Variants in CLNK observed in about 807,000 individuals in gnomAD.
CLNK encodes the protein cytokine dependent hematopoietic cell linker.
A neutral mutation model predicts 68.6 loss-of-function variants in CLNK; 74 were observed. That is an observed-to-expected ratio of 1.08 (90% CI 0.89 to 1.31). The LOEUF (loss-of-function observed/expected upper bound fraction) is 1.31. Among genes scored for constraint, CLNK ranks in the 50% most tolerant of loss-of-function variants. The pLI is 0.00. For missense variants in CLNK, 553 were observed against 515.3 expected (o/e 1.07, Z -0.71); for synonymous variants, 198 against 172.2 (o/e 1.15, Z -1.17).
intron 4 of CLNK, among the ~76,000 whole-genome samples, chr4:10,584,433 C>T (rs965045132): frequency 6.6e-6 from 1 of 152,168 alleles, no homozygotes; most frequent in Non-Finnish European, 1.5e-5. Flanking sequence ...ATACTACATG[C>T]TTTTTCTCAA....
intron 2 of CLNK, among the ~76,000 whole-genome samples, chr4:10,653,231 C>T (rs539898883): frequency 1.1e-4 from 17 of 152,034 alleles, no homozygotes; most frequent in African/African-American, 4.1e-4. Flanking sequence ...AGGAGAAATA[C>T]CCAATGTAGA....
chr4:10,600,704 G>C (rs1399389700), intron 2 of CLNK, among the ~76,000 whole-genome samples: 1 of 152,164 alleles, frequency 6.6e-6, no homozygotes, highest in Non-Finnish European at 1.5e-5. Context: ...TAACTTGTGA[G>C]TCTGGGCTCA....
At chr4:10,614,671 G>A (rs1477936982) in intron 2 of CLNK, among the ~76,000 whole-genome samples, 3 of 152,210 alleles carry the variant, frequency 2.0e-5, no homozygotes, top group African/African-American at 4.8e-5. Context: ...GAATCTGTGT[G>A]CACATTCAAG....
In CLNK at chr4:10,650,385, G is replaced by A. The variant is rs185820063; in HGVS notation, c.11+17474C>T. Among the ~76,000 whole-genome samples the A allele has an allele frequency of 2.3e-3, 357 of 152,104 alleles. 1 individual carries two copies. Among genetic ancestry groups the A allele is most frequent in the Middle Eastern group, 6.8e-3 (2 of 294 alleles). ...AGAAATAGTGAAAAACAACAAAATAGAGAATCAGGATATCCAACGTATCCA... is the reference window on the plus strand; with the variant it reads ...AGAAATAGTGAAAAACAACAAAATAAAGAATCAGGATATCCAACGTATCCA... On this transcript the variant is annotated intron_variant, in intron 2 of 18. Coordinates refer to ENST00000226951, the MANE Select transcript of CLNK (RefSeq NM_052964.4).
the CLNK span, among the ~76,000 whole-genome samples, chr4:10,698,390 A>AT: frequency 6.6e-6 from 1 of 152,214 alleles, no homozygotes; most frequent in Non-Finnish European, 1.5e-5. Flanking sequence ...CCATGCCATT[A>AT]TTACGCCCTT....
intron 2 of CLNK, among the ~76,000 whole-genome samples, chr4:10,615,250 C>T (rs1401180494): frequency 2.0e-5 from 3 of 151,610 alleles, no homozygotes; most frequent in South Asian, 2.1e-4. Context: ...GAGGCCAAGA[C>T]GGGCAGATCA....
At chr4:10,645,543 A>G (rs773233559) in intron 2 of CLNK, among the ~76,000 whole-genome samples, 6 of 152,168 alleles carry the variant, frequency 3.9e-5, no homozygotes, top group African/African-American at 4.8e-5. Flanking sequence ...CTGCCTAATC[A>G]TTTACTTTAA....
At chr4:10,703,226 CACTAACGTAGT>C in the CLNK span, among the ~76,000 whole-genome samples, 1 of 152,114 alleles carries the variant, frequency 6.6e-6, no homozygotes, top group African/African-American at 2.4e-5. Flanking sequence ...AGGCTAACTA[CACTAACGTAGT>C]TATGAACACT....
At chr4:10,670,433 T>C (rs1724582255) in intron 1 of CLNK, among the ~76,000 whole-genome samples, 1 of 152,242 alleles carries the variant, frequency 6.6e-6, no homozygotes, top group African/African-American at 2.4e-5. Flanking sequence ...TAAACTAGTC[T>C]TTACGGACAG....
chr4:10,511,769 T>G (rs1265549116), intron 16 of CLNK, among the ~76,000 whole-genome samples: 1 of 152,252 alleles, frequency 6.6e-6, no homozygotes, highest in Non-Finnish European at 1.5e-5. Context: ...CATCTGTCAA[T>G]GGACATATAG....
intron 6 of CLNK, among the ~76,000 whole-genome samples, chr4:10,565,578 A>G (rs1166399158): frequency 6.8e-6 from 1 of 147,644 alleles, no homozygotes; most frequent in East Asian, 2.0e-4. Flanking sequence ...CCAAGTTAAA[A>G]AGTCTTTTTT....
At chr4:10,527,661 T>C (rs564399348) in intron 13 of CLNK, among the ~76,000 whole-genome samples, 5 of 152,146 alleles carry the variant, frequency 3.3e-5, no homozygotes, top group Non-Finnish European at 7.4e-5. Context: ...ACCAACACTT[T>C]AGAGGTATGG....
chr4:10,718,575 A>G, the CLNK span, among the ~76,000 whole-genome samples: 177 of 147,288 alleles, frequency 1.2e-3, no homozygotes, highest in Non-Finnish European at 2.3e-3. Flanking sequence ...AGGAGAAATT[A>G]AAATATTCTC....
At chr4:10,732,009 AG>A in the CLNK span, among the ~76,000 whole-genome samples, 1 of 152,246 alleles carries the variant, frequency 6.6e-6, no homozygotes, top group African/African-American at 2.4e-5. Flanking sequence ...GCTGATTTCA[AG>A]CAATCAATAT....
chr4:10,624,215 C>T (rs1255762747), intron 2 of CLNK, among the ~76,000 whole-genome samples: 2 of 152,210 alleles, frequency 1.3e-5, no homozygotes, highest in African/African-American at 4.8e-5. Context: ...TCACCTCAAA[C>T]CATGTTAAAC....
At chr4:10,725,055 C>T in the CLNK span, among the ~76,000 whole-genome samples, 30 of 152,146 alleles carry the variant, frequency 2.0e-4, no homozygotes, top group African/African-American at 6.5e-4. Flanking sequence ...GACCTTCTAT[C>T]AGTTGAGCTC....
intron 2 of CLNK, among the ~76,000 whole-genome samples, chr4:10,631,576 G>C (rs563704931): frequency 1.3e-5 from 2 of 152,218 alleles, no homozygotes; most frequent in Non-Finnish European, 2.9e-5. Flanking sequence ...ATATGCAATG[G>C]TCAGGAACTA....
At chr4:10,628,960 C>G (rs1423392992) in intron 2 of CLNK, among the ~76,000 whole-genome samples, 15 of 152,216 alleles carry the variant, frequency 9.9e-5, no homozygotes, top group Admixed American at 9.8e-4. Context: ...CCATTGTCTG[C>G]TCTGAGGACC....
intron 2 of CLNK, among the ~76,000 whole-genome samples, chr4:10,604,906 C>CTA (rs1434568811): frequency 6.6e-6 from 1 of 152,206 alleles, no homozygotes; most frequent in Non-Finnish European, 1.5e-5. Context: ...TGCTGTGAAG[C>CTA]TATTTCTTAG....
Sources: allele counts gnomAD v4.1 joint callset (sites outside exome capture counted in the v4.1 genomes callset), GRCh38; gene constraint gnomAD v4.1.1; transcripts MANE v1.5; gene names NCBI Gene and HGNC (gene_info 2026-07-23, HGNC 2026-07-21).